The following SPATA22 variants were observed in gnomAD, a reference collection of about 807,000 sequenced individuals.
SPATA22 encodes spermatogenesis associated 22, also known as spermatogenesis-associated protein 22.
SPATA22 carries 29 observed loss-of-function variants against 47.8 expected under a neutral mutation model. That is an observed-to-expected ratio of 0.61 (90% CI 0.45 to 0.83). The LOEUF (loss-of-function observed/expected upper bound fraction) is 0.83, where lower values mean the gene tolerates loss of function less well. Among genes scored for constraint, SPATA22 ranks in the 40% least tolerant of loss-of-function variants. The probability of loss-of-function intolerance (pLI) is 0.00; values close to 1 mark genes in which losing one functional copy is unlikely to be tolerated. For missense variants in SPATA22, 410 were observed against 421.7 expected (o/e 0.97, Z 0.24); for synonymous variants, 133 against 140.9 (o/e 0.94, Z 0.40).
chr17:3,459,408 A>T (rs1158744991), intron 5 of SPATA22, among the ~76,000 whole-genome samples: 6 of 152,170 alleles, frequency 3.9e-5, no homozygotes, highest in East Asian at 3.9e-4. Flanking sequence ...AATTTTTTTT[A>T]AAAAATACTT....
intron 1 of SPATA22, among the ~76,000 whole-genome samples, chr17:3,482,372 A>C (rs1003786055): frequency 6.6e-6 from 1 of 152,204 alleles, no homozygotes; most frequent in African/African-American, 2.4e-5. Flanking sequence ...TTTAAGGCTC[A>C]GAAATCTCAG....
At chr17:3,480,830 G>A (rs1597428841) in intron 1 of SPATA22, among the ~76,000 whole-genome samples, 1 of 152,350 alleles carries the variant, frequency 6.6e-6, no homozygotes, top group African/African-American at 2.4e-5. Context: ...GGATAGCTTG[G>A]AGATTAGAAG....
At position 3,480,492 on chromosome 17, in the gene SPATA22, ATAAGCCAGTT is replaced by A. The variant is rs370110295; in HGVS notation, c.-73-11104_-73-11095del. 4.2e-3 allele frequency among the ~76,000 whole-genome samples: 643 copies of A among 152,364 alleles called. 7 individuals are homozygous for A. The highest frequency in any genetic ancestry group is 0.014 in the African/African-American group (584 of 41,586). ...TCCTACGTGGGGACCACGAGACCAG[ATAAGCCAGTT>A]TATCCATCTGGGTGGTGCCAGCTGA... On this transcript the variant is annotated intron_variant, in intron 1 of 8. Transcript: ENST00000541913.
chr17:3,470,085 C>T (rs2073393451), intron 1 of SPATA22, among the ~76,000 whole-genome samples: 1 of 99,734 alleles, frequency 1.0e-5, no homozygotes. Flanking sequence ...AAGACCCAGA[C>T]TCCATCTCAA....
chr17:3,443,782 T>C (rs1005414424), intron 7 of SPATA22, among the ~76,000 whole-genome samples: 2 of 151,958 alleles, frequency 1.3e-5, no homozygotes, highest in Non-Finnish European at 1.5e-5. Context: ...CATATTTTCA[T>C]ATACATACAA....
chr17:3,468,817 A>G, intron 2 of SPATA22: 1 of 583,172 alleles, frequency 1.7e-6, no homozygotes, highest in Non-Finnish European at 2.2e-6. Context: ...CAGTTAATCC[A>G]CCATAAATAA....
chr17:3,473,750 G>A (rs150030677), upstream of SPATA22, among the ~76,000 whole-genome samples: 308 of 152,122 alleles, frequency 2.0e-3, 2 homozygotes, highest in African/African-American at 7.0e-3. Context: ...CGCCCACCTC[G>A]GCCTCCCAAA....
At chr17:3,475,877 A>T (rs2073513426), upstream of SPATA22, 1 of 448,054 alleles carries the variant, frequency 2.2e-6, no homozygotes. Context: ...AGATCTACTG[A>T]CCATCTGAGG....
rs1449293432 is a variant in SPATA22, at chr17:3,490,463, G to T, written c.-73-21065C>A. ...AGACTGAGTTGAAATTGTTGTTGAG[G>T]AATGGGCAATTATAATAACAGAGGG... On this transcript the variant is annotated intron_variant, in intron 1 of 8. Transcript: ENST00000541913. This position sits in a 1 kb window ranked among gnomAD's most constrained non-coding sequence, Gnocchi z 4.6. 1.3e-5 allele frequency among the ~76,000 whole-genome samples: 2 copies of T among 152,156 alleles called. No individual in the cohort carries two copies. Among genetic ancestry groups the T allele is most frequent in the Non-Finnish European group, 2.9e-5 (2 of 68,030 alleles).
At chr17:3,487,073 C>CGTGTGTGT (rs59690349) in intron 1 of SPATA22, among the ~76,000 whole-genome samples, 34,938 of 150,776 alleles carry the variant, frequency 0.23, 4,298 homozygotes, top group East Asian at 0.45. Context: ...TGTGTGTGTG[C>CGTGTGTGT]GTGTGTGTGT....
At chr17:3,458,674 C>G (rs181048294) in intron 5 of SPATA22, among the ~76,000 whole-genome samples, 1 of 151,872 alleles carries the variant, frequency 6.6e-6, no homozygotes, top group Non-Finnish European at 1.5e-5. Flanking sequence ...GAAACCCCAT[C>G]TCTACTAAAA....
At chr17:3,452,092 C>G (rs2072875718) in intron 5 of SPATA22, among the ~76,000 whole-genome samples, 1 of 150,074 alleles carries the variant, frequency 6.7e-6, no homozygotes, top group African/African-American at 2.5e-5. Context: ...CATAACATAC[C>G]AAAACTTATG....
At chr17:3,458,512 A>G (rs761322576) in intron 5 of SPATA22, among the ~76,000 whole-genome samples, 1 of 152,314 alleles carries the variant, frequency 6.6e-6, no homozygotes, top group East Asian at 1.9e-4. Context: ...TCTCAAAGAG[A>G]TATCTGCATT....
intron 1 of SPATA22, among the ~76,000 whole-genome samples, chr17:3,480,265 T>G (rs73977738): frequency 0.019 from 2,905 of 152,326 alleles, 99 homozygotes; most frequent in African/African-American, 0.065. Context: ...GGAACTGCAA[T>G]AAAGAGTTTA....
exon 1 of SPATA22, chr17:3,513,699 G>A: frequency 2.1e-6 from 1 of 484,286 alleles, no homozygotes; most frequent in Non-Finnish European, 3.7e-6. Flanking sequence ...TACACCAGCT[G>A]TTTGCCAAGT....
At position 3,480,253 on chromosome 17, in the gene SPATA22, AG is replaced by A. The variant is rs796805295; in HGVS notation, c.-73-10856del. Among the ~76,000 whole-genome samples the A allele has an allele frequency of 1.8e-3, 279 of 152,372 alleles. 1 individual carries two copies. Among genetic ancestry groups the A allele is most frequent in the African/African-American group, 5.9e-3 (247 of 41,590 alleles). On this transcript the variant is annotated intron_variant, in intron 1 of 8. Transcript: ENST00000541913. ...CAGACAGAGCTGATTTATCAAGACA[AG>A]GGAACTGCAATAAAGAGTTTAATTC...
chr17:3,464,145 T>C (rs1373704818), intron 3 of SPATA22, among the ~76,000 whole-genome samples: 1 of 152,032 alleles, frequency 6.6e-6, no homozygotes, highest in Non-Finnish European at 1.5e-5. Flanking sequence ...CACGCCTGAC[T>C]GGTTTTCGTA....
At chr17:3,489,709 G>A (rs187587705) in intron 1 of SPATA22, among the ~76,000 whole-genome samples, 61 of 152,286 alleles carry the variant, frequency 4.0e-4, no homozygotes, top group East Asian at 2.7e-3. Context: ...AATATCAAGC[G>A]TTGGTAAATG....
upstream of SPATA22, among the ~76,000 whole-genome samples, chr17:3,473,081 C>A (rs1338410852): frequency 2.0e-5 from 3 of 149,434 alleles, no homozygotes. Flanking sequence ...CAACACACAC[C>A]CACCCACCCC....
Sources: gnomAD v4.1 joint callset for allele counts (sites outside exome capture counted in the v4.1 genomes callset) on GRCh38, gnomAD v4.1.1 for gene constraint, Gnocchi (gnomAD v3.1) non-coding constraint, MANE v1.5 for transcripts, NCBI Gene and HGNC (gene_info 2026-07-23, HGNC 2026-07-21) for gene names.